Variants in MCM5 observed in about 807,000 individuals in gnomAD.
MCM5 encodes the protein DNA replication licensing factor MCM5.
A neutral mutation model predicts 79.9 loss-of-function variants in MCM5; 46 were observed. That is an observed-to-expected ratio of 0.58 (90% CI 0.45 to 0.74). The LOEUF (loss-of-function observed/expected upper bound fraction) is 0.74. MCM5 is among the 30% of genes least tolerant of loss of function. The pLI is 0.00. For synonymous variants in MCM5, 404 were observed against 390.5 expected, an observed-to-expected ratio of 1.03 and a Z score of -0.41; for missense variants, 883 against 1,017.0, an observed-to-expected ratio of 0.87 and a Z score of 1.79.
chr22:35,417,662 C>A lies in MCM5; in HGVS notation c.1591-82C>A, dbSNP rs1392195731. On this transcript the variant is annotated intron_variant, in intron 12 of 16. Transcript: ENST00000216122. ...CCTTGATGCCAGGGCCCCATCAGCT[C>A]TTTCTGGCTGTTCCACCTCAGTGCT... The A allele has an allele frequency of 4.1e-6, 4 of 987,156 alleles. No individual in the cohort carries two copies. The African/African-American group carries it at 4.8e-5, about 12-fold the overall frequency. The allele number at this position is 987,156 out of a possible 1,614,324, so 61.1% of individuals were successfully genotyped here. A position where few individuals can be genotyped will look rare whatever the true frequency, so the allele number is the denominator to read the frequency against.
chr22:35,432,632 C>G, the MCM5 span, among the ~76,000 whole-genome samples: 9 of 152,330 alleles, frequency 5.9e-5, no homozygotes, highest in Middle Eastern at 3.4e-3. Flanking sequence ...CAGTCACTAT[C>G]TAGTCCCTGG....
Position 35,413,856 on chromosome 22 carries a change from T to C in MCM5, c.1092-19T>C. ...CCCTCATGGATTCTCACCTTGTCCA[T>C]CTACCCTTCGTCCCCCAGGCTCCCT... is the stretch of plus-strand genomic sequence containing the variant. On this transcript the variant is annotated intron_variant, in intron 8 of 16. Transcript: ENST00000216122. 1 of 1,458,146 alleles carries C rather than the reference T, an allele frequency of 6.9e-7. No individual in the cohort carries two copies. The highest frequency in any genetic ancestry group is 9.6e-7 in the Non-Finnish European group (1 of 1,037,642). 90.3% of individuals were successfully genotyped at this position (1,458,146 alleles called of 1,614,324 possible).
At position 35,411,945 on chromosome 22, in the gene MCM5, A is replaced by G. The variant is rs533227529; in HGVS notation, c.920-565A>G. Reference sequence around the variant, plus strand: ...TCAGTCTTCCCATCTTCACCCTTTCAGTTGCTCAGACAAAAACCCCCAAGT... The same window carrying G: ...TCAGTCTTCCCATCTTCACCCTTTCGGTTGCTCAGACAAAAACCCCCAAGT... On this transcript the variant is annotated intron_variant, in intron 7 of 16. Coordinates refer to ENST00000216122, the MANE Select transcript of MCM5 (RefSeq NM_006739.4). Among the ~76,000 whole-genome samples the G allele has an allele frequency of 3.9e-5, 6 of 152,098 alleles. No homozygotes were observed. In the South Asian group the frequency reaches 1.2e-3, roughly 32 times the overall value.
At chr22:35,449,690 C>T in the MCM5 span, among the ~76,000 whole-genome samples, 1 of 152,266 alleles carries the variant, frequency 6.6e-6, no homozygotes, top group Non-Finnish European at 1.5e-5. Flanking sequence ...CTTGCTCTGT[C>T]CTATTACTGG....
intron 13 of MCM5, 125 bp from the exon 14 acceptor site, chr22:35,419,759 T>G: frequency 2.1e-6 from 2 of 945,102 alleles, no homozygotes; most frequent in Non-Finnish European, 3.1e-6. Flanking sequence ...CCAGCCCATA[T>G]GAGTGGGCAG....
At position 35,412,647 on chromosome 22, in the gene MCM5, A is replaced by C; in HGVS notation, c.1057A>C (p.Ile353Leu). The stretch of plus-strand genomic sequence containing the variant: ...TGGGGGCACAGACATGAAGAAGGCC[A>C]TTGCCTGCCTGCTCTTTGGGGGCTC... ...IFGGTDMKKA[I>L]ACLLFGGSRK... Residue 353 changes from isoleucine to leucine, a missense_variant, in exon 8 of 17, where the codon ATT (isoleucine) becomes CTT (leucine). By Grantham distance (5) the Ile-to-Leu change is conservative. This residue lies in a region of MCM5 where 455 missense variants were observed against 517.5 expected (regional missense o/e 0.88). Transcript: ENST00000216122. 1 of 1,535,590 alleles carries C rather than the reference A, an allele frequency of 6.5e-7. No individual in the cohort carries two copies. The highest frequency in any genetic ancestry group is 8.8e-7 in the Non-Finnish European group (1 of 1,134,738).
At chr22:35,436,611 C>G in the MCM5 span, among the ~76,000 whole-genome samples, 7 of 152,322 alleles carry the variant, frequency 4.6e-5, no homozygotes. Context: ...TTCGTGCCCT[C>G]TCCCCCTCAA....
At chr22:35,453,459 CAG>C in the MCM5 span, among the ~76,000 whole-genome samples, 16 of 143,168 alleles carry the variant, frequency 1.1e-4, no homozygotes, top group East Asian at 2.3e-3. Context: ...GAGATAGAAA[CAG>C]AGACAGAGAA....
At chr22:35,400,778 G>T (rs1355824011) in intron 2 of MCM5, among the ~76,000 whole-genome samples, 173 bp downstream of exon 2, 1 of 151,768 alleles carries the variant, frequency 6.6e-6, no homozygotes, top group Non-Finnish European at 1.5e-5. Flanking sequence ...ATAAGGCTTT[G>T]TGTATTTTGT....
chr22:35,430,068 A>G (rs1932802683), downstream of MCM5, among the ~76,000 whole-genome samples: 1 of 152,166 alleles, frequency 6.6e-6, no homozygotes, highest in Non-Finnish European at 1.5e-5. Context: ...AAATGGGGGG[A>G]ATAAAAGCCC....
At chr22:35,410,573 G>C in intron 6 of MCM5, 171 bp from the exon 7 acceptor site, 1 of 661,534 alleles carries the variant, frequency 1.5e-6, no homozygotes. Flanking sequence ...AGTGACGTGG[G>C]GAGAGAGGCC....
chr22:35,453,817 T>TAGAGAGAG, the MCM5 span, among the ~76,000 whole-genome samples: 684 of 78,204 alleles, frequency 8.7e-3, no homozygotes, highest in African/African-American at 0.014. Context: ...TATATATATA[T>TAGAGAGAG]ATAGAGAGAG....
intron 16 of MCM5, 51 bp downstream of exon 16, chr22:35,423,392 C>A: frequency 6.5e-7 from 1 of 1,537,836 alleles, no homozygotes; most frequent in Non-Finnish European, 8.8e-7. Context: ...TGCAGGTCTT[C>A]TGCTGGTTCC....
At chr22:35,453,326 GAGAC>G in the MCM5 span, among the ~76,000 whole-genome samples, 1 of 144,890 alleles carries the variant, frequency 6.9e-6, no homozygotes, top group Non-Finnish European at 1.5e-5. Flanking sequence ...CAGAGATAGA[GAGAC>G]AGAGACAACG....
In MCM5 at chr22:35,412,605, A is replaced by G. The variant is rs769079393; in HGVS notation, c.1015A>G (p.Ile339Val). The G allele has an allele frequency of 6.9e-6, 11 of 1,587,044 alleles. No individual in the cohort carries two copies. In the South Asian group the frequency reaches 1.3e-4, roughly 18 times the overall value. The change falls in exon 8 of 17, where the codon ATC (isoleucine) becomes GTC (valine). Residue 339 changes from isoleucine to valine, a missense_variant. Ile to Val is a conservative substitution (Grantham distance 29). Transcript: ENST00000216122. The part of the protein sequence containing the change: ...PNVYEVISKS[I>V]APSIFGGTDM... ...TGTCTATGAGGTCATCTCCAAGAGC[A>G]TCGCCCCCTCCATCTTTGGGGGCAC...
rs138056847 is a variant in MCM5, at chr22:35,406,537, G to A, written c.424-16G>A. On this transcript the variant is annotated splice_polypyrimidine_tract_variant and intron_variant, in intron 4 of 16. Transcript: ENST00000216122. ...GCTCCCCTTAACCAACAAGCTTCCCGATGGCTCTATTACAGTCGGACATGA... is the reference window on the plus strand; with the variant it reads ...GCTCCCCTTAACCAACAAGCTTCCCAATGGCTCTATTACAGTCGGACATGA... 26 of 1,604,832 alleles carry A rather than the reference G, an allele frequency of 1.6e-5. No individual in the cohort carries two copies. The East Asian group carries it at 4.9e-4, about 30-fold the overall frequency.
chr22:35,412,496 C>G lies in MCM5; in HGVS notation c.920-14C>G. ...TCCCTTGTACTCACTCATGCGCCTG[C>G]TTTGCCTACCAAGGCCGCAGCTTTG... On this transcript the variant is annotated splice_polypyrimidine_tract_variant and intron_variant, in intron 7 of 16. Coordinates refer to ENST00000216122, the MANE Select transcript of MCM5 (RefSeq NM_006739.4). The G allele has an allele frequency of 6.6e-7, 1 of 1,526,418 alleles. No individual in the cohort carries two copies. Among genetic ancestry groups the G allele is most frequent in the Non-Finnish European group, 8.8e-7 (1 of 1,134,346 alleles). The allele number at this position is 1,526,418 out of a possible 1,614,324, so 94.6% of individuals were successfully genotyped here. A position where few individuals can be genotyped will look rare whatever the true frequency, so the allele number is the denominator to read the frequency against.
At position 35,416,624 on chromosome 22, in the gene MCM5, C is replaced by T; in HGVS notation, c.1414-14C>T. 1 of 1,609,868 alleles carries T rather than the reference C, an allele frequency of 6.2e-7. No homozygotes were observed. Among genetic ancestry groups the T allele is most frequent in the South Asian group, 1.1e-5 (1 of 90,990 alleles). On this transcript the variant is annotated splice_polypyrimidine_tract_variant and intron_variant, in intron 11 of 16. Coordinates refer to ENST00000216122, the MANE Select transcript of MCM5 (RefSeq NM_006739.4). ...GCCATCTCCTCCCCCTTTTCGTCGT[C>T]TGTCGCCTGTTAGGCTGGGATCACC...
rs566577492 is a variant in MCM5, at chr22:35,406,485, T to A, written c.424-68T>A. The stretch of plus-strand genomic sequence containing the variant: ...TCCTCCAGGCTCCTGCCCAGGATAT[T>A]TACTGGCATATCTCAGATGCGTCCT... On this transcript the variant is annotated intron_variant, in intron 4 of 16. Coordinates refer to ENST00000216122, the MANE Select transcript of MCM5 (RefSeq NM_006739.4). 4.0e-5 allele frequency: 58 copies of A among 1,452,702 alleles called. No homozygotes were observed. The African/African-American group carries it at 6.7e-4, about 17-fold the overall frequency. The allele number at this position is 1,452,702 out of a possible 1,614,324, so 90.0% of individuals were successfully genotyped here.
Sources: allele counts gnomAD v4.1 joint callset (sites outside exome capture counted in the v4.1 genomes callset), GRCh38; gene constraint gnomAD v4.1.1; regional missense constraint gnomAD v4.1.1; transcripts MANE v1.5; gene names NCBI Gene and HGNC (gene_info 2026-07-23, HGNC 2026-07-21).